The following NRXN3 variants were observed in gnomAD, a reference collection of about 807,000 sequenced individuals.
NRXN3 encodes neurexin 3, also known as neurexin III.
In NRXN3, 32 loss-of-function variants were observed where a neutral mutation model predicts 137.6. That is an observed-to-expected ratio of 0.23 (90% confidence interval 0.18 to 0.31). The LOEUF (loss-of-function observed/expected upper bound fraction) is 0.31. NRXN3 is among the 10% of genes least tolerant of loss of function. NRXN3 has a pLI of 1.00. For synonymous variants in NRXN3, 798 were observed against 784.5 expected (o/e 1.02, Z -0.29); for missense variants, 1,574 against 2,062.5 (o/e 0.76, Z 4.59).
At chr14:79,009,499 C>T (rs2099566972) in intron 15 of NRXN3, among the ~76,000 whole-genome samples, 1 of 152,096 alleles carries the variant, frequency 6.6e-6, no homozygotes, top group African/African-American at 2.4e-5. Context: ...CAGGTTTGGG[C>T]AGAAGAGAGC....
intron 15 of NRXN3, among the ~76,000 whole-genome samples, chr14:79,424,154 A>G (rs2095621160): frequency 6.6e-6 from 1 of 152,218 alleles, no homozygotes; most frequent in Non-Finnish European, 1.5e-5. Context: ...TATAAAACAT[A>G]TAGTTATTTA....
In NRXN3 at chr14:78,203,325, A is replaced by C. The variant is rs548180679; in HGVS notation, c.-704+32651A>C. 2.6e-5 allele frequency among the ~76,000 whole-genome samples: 4 copies of C among 152,286 alleles called. 1 individual carries two copies. The highest frequency in any genetic ancestry group is 9.6e-5 in the African/African-American group (4 of 41,570). On this transcript the variant is annotated intron_variant, in intron 1 of 20. Transcript: ENST00000335750. The stretch of plus-strand genomic sequence containing the variant: ...TTACTAATAATTACTCATTGTTGGC[A>C]TTTTGGAGCTAGGTAAAGCATTCTC...
intron 8 of NRXN3, among the ~76,000 whole-genome samples, chr14:78,774,038 G>C (rs2098737325): frequency 6.6e-6 from 1 of 152,164 alleles, no homozygotes. Flanking sequence ...TGGACCTCGT[G>C]ATCAACCCTC....
rs573646282 is a variant in NRXN3 at position 79,707,256 on chromosome 14, C to T, written c.4014+9319C>T. On this transcript the variant is annotated intron_variant, in intron 19 of 20. Transcript: ENST00000335750. ...GTTGAAGAAAAATAAATGTGTTAAACGAATGAAAGTAAGTTAAGCAAATGC... is the reference window on the plus strand; with the variant it reads ...GTTGAAGAAAAATAAATGTGTTAAATGAATGAAAGTAAGTTAAGCAAATGC... Among the ~76,000 whole-genome samples the T allele has an allele frequency of 9.9e-4, 150 of 152,210 alleles. 1 individual carries two copies. Among genetic ancestry groups the T allele is most frequent in the African/African-American group, 3.1e-3 (129 of 41,540 alleles).
chr14:79,698,819 CTTTGT>C (rs1229131708), intron 19 of NRXN3, among the ~76,000 whole-genome samples: 1 of 151,950 alleles, frequency 6.6e-6, no homozygotes, highest in East Asian at 1.9e-4. Flanking sequence ...CTGTTTGCTT[CTTTGT>C]TTTAAGACAT....
chr14:78,700,320 C>T (rs1195389641), intron 6 of NRXN3, among the ~76,000 whole-genome samples: 4 of 152,192 alleles, frequency 2.6e-5, no homozygotes, highest in Non-Finnish European at 4.4e-5. Context: ...ATTTCTGGCT[C>T]TCAGTGACTG....
At chr14:79,048,173 A>G (rs1266778630) in intron 15 of NRXN3, among the ~76,000 whole-genome samples, 1 of 152,236 alleles carries the variant, frequency 6.6e-6, no homozygotes, top group East Asian at 1.9e-4. Context: ...CAAAGAGTAC[A>G]TACTATATAA....
chr14:78,258,108 T>C (rs2069976202), intron 2 of NRXN3, among the ~76,000 whole-genome samples: 2 of 152,354 alleles, frequency 1.3e-5, no homozygotes, highest in South Asian at 4.1e-4. Context: ...ATGGGGATTA[T>C]AATAGTGTGT....
At chr14:79,444,347 T>A (rs2096019607) in intron 15 of NRXN3, among the ~76,000 whole-genome samples, 1 of 152,174 alleles carries the variant, frequency 6.6e-6, no homozygotes, top group Non-Finnish European at 1.5e-5. Context: ...GGTATTCCAC[T>A]GGGTGGAAAA....
chr14:79,667,644 A>G (rs149662870), intron 17 of NRXN3, among the ~76,000 whole-genome samples: 4 of 152,262 alleles, frequency 2.6e-5, no homozygotes, highest in Admixed American at 2.6e-4. Flanking sequence ...CTGAAAAGCA[A>G]CTTCTTTCTT....
At chr14:79,807,817 A>G (rs949291185) in intron 20 of NRXN3, among the ~76,000 whole-genome samples, 2 of 152,138 alleles carry the variant, frequency 1.3e-5, no homozygotes, top group Admixed American at 1.3e-4. Flanking sequence ...GCATTTTTCT[A>G]ATTTTATTTA....
chr14:78,502,901 C>T (rs1272099958), intron 4 of NRXN3, among the ~76,000 whole-genome samples: 2 of 152,162 alleles, frequency 1.3e-5, no homozygotes, highest in African/African-American at 2.4e-5. Flanking sequence ...TGGCCTGGTG[C>T]CATGAGTCTG....
intron 11 of NRXN3, among the ~76,000 whole-genome samples, chr14:78,958,869 A>G (rs2099402482): frequency 6.6e-6 from 1 of 152,210 alleles, no homozygotes; most frequent in African/African-American, 2.4e-5. Context: ...TCAGTGGCCT[A>G]AGCCATCTCC....
chr14:79,078,193 A>G (rs2046301378), intron 15 of NRXN3, among the ~76,000 whole-genome samples: 1 of 152,178 alleles, frequency 6.6e-6, no homozygotes, highest in South Asian at 2.1e-4. Flanking sequence ...CAAACTTTAG[A>G]GGTCATTAAT....
chr14:79,070,056 T>C (rs1184161768), intron 15 of NRXN3, among the ~76,000 whole-genome samples: 1 of 152,148 alleles, frequency 6.6e-6, no homozygotes, highest in Admixed American at 6.6e-5. Flanking sequence ...ATGTGTCAGG[T>C]TTCATTCATT....
intron 10 of NRXN3, among the ~76,000 whole-genome samples, chr14:78,951,710 A>G (rs11847534): frequency 0.16 from 23,780 of 152,050 alleles, 3,435 homozygotes; most frequent in East Asian, 0.43. Context: ...TTATCTTTTT[A>G]TCCTCCACAA....
At chr14:78,587,804 T>G (rs368801935) in intron 4 of NRXN3, among the ~76,000 whole-genome samples, 1 of 152,220 alleles carries the variant, frequency 6.6e-6, no homozygotes, top group African/African-American at 2.4e-5. Flanking sequence ...TATTAGATGT[T>G]GGGCCTTTGT....
At position 79,697,617 on chromosome 14, in the gene NRXN3, C is replaced by T. The variant is rs779791184; in HGVS notation, c.3707-13C>T. The T allele has an allele frequency of 1.2e-6, 2 of 1,608,286 alleles. No individual in the cohort carries two copies. The highest frequency in any genetic ancestry group is 8.5e-7 in the Non-Finnish European group (1 of 1,176,436). ...TATGAGAATAATAATGTTTCCTCCA[C>T]CCAACCCACTAGGCCGGCAGTTAAC... On this transcript the variant is annotated splice_polypyrimidine_tract_variant and intron_variant, in intron 18 of 20. Transcript: ENST00000335750.
In NRXN3 at chr14:79,218,063, C is replaced by T. The variant is rs142669980; in HGVS notation, c.3262+229922C>T. On this transcript the variant is annotated intron_variant, in intron 15 of 20. Coordinates refer to ENST00000335750, the MANE Select transcript of NRXN3 (RefSeq NM_001330195.2). ...GCAGAAAGCTGAAAGGGACCTGTTT[C>T]CTTGATAATATCATTGAACCATTGA... Among the ~76,000 whole-genome samples the T allele has an allele frequency of 2.7e-3, 417 of 152,290 alleles. 1 individual carries two copies. The highest frequency in any genetic ancestry group is 9.6e-3 in the African/African-American group (401 of 41,576).
Sources: allele counts gnomAD v4.1 joint callset (sites outside exome capture counted in the v4.1 genomes callset), GRCh38; gene constraint gnomAD v4.1.1; transcripts MANE v1.5; gene names NCBI Gene and HGNC (gene_info 2026-07-23, HGNC 2026-07-21).